ACOXL: variants seen among roughly 807,000 people sequenced by gnomAD.
The protein encoded by ACOXL is acyl-CoA oxidase like, also known as acyl-coenzyme A oxidase-like protein.
ACOXL carries 70 observed loss-of-function variants against 71.9 expected under a neutral mutation model. That is an observed-to-expected ratio of 0.97 (90% CI 0.80 to 1.19). The LOEUF is 1.19. ACOXL is among the 50% of genes most tolerant of loss of function. ACOXL has a pLI of 0.00. For synonymous variants in ACOXL, 253 were observed against 281.6 expected (o/e 0.90, Z 1.02); for missense variants, 703 against 736.3 (o/e 0.95, Z 0.52).
intron 14 of ACOXL, among the ~76,000 whole-genome samples, chr2:111,015,888 T>G (rs2064403874): frequency 6.6e-6 from 1 of 152,172 alleles, no homozygotes; most frequent in Non-Finnish European, 1.5e-5. Flanking sequence ...TACTGTATAA[T>G]TCCATTTATG....
chr2:110,957,827 C>A (rs1009437828), intron 12 of ACOXL, among the ~76,000 whole-genome samples: 2 of 151,890 alleles, frequency 1.3e-5, no homozygotes, highest in African/African-American at 4.8e-5. Flanking sequence ...GAGGCCGAGG[C>A]GGGCGGATCA....
At chr2:110,940,762 G>A (rs1002977986) in intron 12 of ACOXL, among the ~76,000 whole-genome samples, 1 of 152,174 alleles carries the variant, frequency 6.6e-6, no homozygotes, top group Admixed American at 6.5e-5. Flanking sequence ...AGGAAATCAC[G>A]AGAAAGTCTT....
intron 14 of ACOXL, among the ~76,000 whole-genome samples, chr2:111,028,978 T>C (rs1184714015): frequency 1.3e-5 from 2 of 152,226 alleles, no homozygotes; most frequent in Non-Finnish European, 2.9e-5. Flanking sequence ...CTGGGCACCC[T>C]GTTCCAACTC....
intron 3 of ACOXL, among the ~76,000 whole-genome samples, chr2:110,791,268 C>T (rs556756871): frequency 2.0e-5 from 3 of 152,344 alleles, no homozygotes; most frequent in African/African-American, 7.2e-5. Flanking sequence ...GGTTCACTTC[C>T]ACAGCCCAGG....
rs966334745 is a variant in ACOXL, at chr2:110,835,066, A to G, written c.754-6305A>G. Among the ~76,000 whole-genome samples, 12 of 152,234 alleles carry G rather than the reference A, an allele frequency of 7.9e-5. 1 individual carries two copies. Among genetic ancestry groups the G allele is most frequent in the Admixed American group, 3.3e-4 (5 of 15,286 alleles). ...AAAGCCACCTGTTTCCTTAGGTTAAACAAGCACCGCCTAGGTTTCAATGTT... is the reference window on the plus strand; with the variant it reads ...AAAGCCACCTGTTTCCTTAGGTTAAGCAAGCACCGCCTAGGTTTCAATGTT... On this transcript the variant is annotated intron_variant, in intron 9 of 17. Coordinates refer to ENST00000439055, the MANE Select transcript of ACOXL (RefSeq NM_001142807.4).
At chr2:110,977,118 G>A (rs951143968) in intron 12 of ACOXL, among the ~76,000 whole-genome samples, 2 of 152,118 alleles carry the variant, frequency 1.3e-5, no homozygotes, top group African/African-American at 4.8e-5. Context: ...TGGGCATGGT[G>A]GCTCACTCCT....
At chr2:110,849,836 C>T (rs558295542) in intron 10 of ACOXL, among the ~76,000 whole-genome samples, 6 of 152,286 alleles carry the variant, frequency 3.9e-5, no homozygotes, top group Admixed American at 6.5e-5. Context: ...GGAAGACTTC[C>T]AGTACCTCAT....
chr2:110,888,377 A>G (rs1406664100), intron 10 of ACOXL, among the ~76,000 whole-genome samples: 1 of 152,172 alleles, frequency 6.6e-6, no homozygotes, highest in African/African-American at 2.4e-5. Context: ...TCAAAGGATT[A>G]TTTACTGCTG....
intron 17 of ACOXL, among the ~76,000 whole-genome samples, chr2:111,097,640 A>G (rs934894590): frequency 1.3e-5 from 2 of 152,220 alleles, no homozygotes; most frequent in Admixed American, 6.5e-5. Flanking sequence ...AACAAACAAA[A>G]GCTTGTGATG....
At chr2:111,020,354 A>G (rs2064689869) in intron 14 of ACOXL, among the ~76,000 whole-genome samples, 1 of 152,170 alleles carries the variant, frequency 6.6e-6, no homozygotes, top group Non-Finnish European at 1.5e-5. Flanking sequence ...TGTGGTGGAC[A>G]TGCCGGCTTG....
intron 12 of ACOXL, among the ~76,000 whole-genome samples, chr2:110,960,545 G>A (rs915125924): frequency 6.6e-6 from 1 of 151,820 alleles, no homozygotes; most frequent in African/African-American, 2.4e-5. Context: ...GACCTATCCC[G>A]CCAACTCCTC....
chr2:110,820,747 C>T (rs1000594853), intron 9 of ACOXL, among the ~76,000 whole-genome samples: 5 of 152,052 alleles, frequency 3.3e-5, no homozygotes, highest in Admixed American at 6.6e-5. Context: ...TGGTTTGTAC[C>T]GGGGGACAGA....
chr2:110,793,202 CT>C (rs1302487951), intron 3 of ACOXL, among the ~76,000 whole-genome samples: 4 of 152,238 alleles, frequency 2.6e-5, no homozygotes, highest in Non-Finnish European at 5.9e-5. Context: ...ATGCTTGCTC[CT>C]TTTGCAGCGT....
At chr2:111,037,765 G>A (rs2065588227) in intron 15 of ACOXL, among the ~76,000 whole-genome samples, 1 of 152,160 alleles carries the variant, frequency 6.6e-6, no homozygotes, top group South Asian at 2.1e-4. Context: ...CCCGGGGCCA[G>A]TTAACCCTAC....
At chr2:111,041,636 G>A (rs979930693) in intron 15 of ACOXL, among the ~76,000 whole-genome samples, 3 of 152,216 alleles carry the variant, frequency 2.0e-5, no homozygotes, top group Non-Finnish European at 4.4e-5. Context: ...TAAGACTGGA[G>A]CAGGCCCCAG....
intron 12 of ACOXL, among the ~76,000 whole-genome samples, chr2:110,973,595 T>C (rs1236075522): frequency 6.6e-6 from 1 of 152,164 alleles, no homozygotes; most frequent in East Asian, 1.9e-4. Context: ...TTTCTGTTGT[T>C]TATAAGCCAC....
At chr2:110,796,134 A>C (rs1164011892) in intron 5 of ACOXL, 1 of 151,802 alleles carries the variant, frequency 6.6e-6, no homozygotes, top group Non-Finnish European at 1.5e-5. Flanking sequence ...AAAATGCTAG[A>C]GCTTATTAAA....
chr2:111,011,100 T>A (rs2064128396), intron 14 of ACOXL, among the ~76,000 whole-genome samples: 1 of 152,204 alleles, frequency 6.6e-6, no homozygotes, highest in African/African-American at 2.4e-5. Context: ...TAATTACAAT[T>A]ATTTAGGGTT....
At chr2:110,987,456 C>A (rs1384946271) in intron 13 of ACOXL, among the ~76,000 whole-genome samples, 1 of 152,154 alleles carries the variant, frequency 6.6e-6, no homozygotes. Flanking sequence ...CTGTTCCAAG[C>A]AGTTTACAGA....
Sources: allele counts gnomAD v4.1 joint callset (sites outside exome capture counted in the v4.1 genomes callset), GRCh38; gene constraint gnomAD v4.1.1; transcripts MANE v1.5; gene names NCBI Gene and HGNC (gene_info 2026-07-23, HGNC 2026-07-21).